CDH13: variants seen among roughly 807,000 people sequenced by gnomAD.
CDH13 encodes cadherin-13.
A neutral mutation model predicts 63.8 loss-of-function variants in CDH13; 24 were observed. The observed-to-expected ratio is 0.38, with a 90% CI of 0.27 to 0.53. The LOEUF is 0.53. Among genes scored for constraint, CDH13 ranks in the 20% least tolerant of loss-of-function variants. The probability of loss-of-function intolerance (pLI) is 0.85; values close to 1 mark genes in which losing one functional copy is unlikely to be tolerated. For synonymous variants in CDH13, 503 were observed against 355.3 expected (o/e 1.42, Z -4.67); for missense variants, 1,049 against 903.1 (o/e 1.16, Z -2.07).
At chr16:82,895,507 ACC>A (rs2041223577) in intron 2 of CDH13, among the ~76,000 whole-genome samples, 1 of 152,048 alleles carries the variant, frequency 6.6e-6, no homozygotes, top group African/African-American at 2.4e-5. Context: ...CAATTGATGA[ACC>A]CACATTGACA....
At chr16:83,684,881 G>A (rs35289672) in intron 10 of CDH13, among the ~76,000 whole-genome samples, 1 of 152,072 alleles carries the variant, frequency 6.6e-6, no homozygotes, top group African/African-American at 2.4e-5. Flanking sequence ...GACGGAAGTT[G>A]ATTTTTTTTT....
chr16:82,674,799 T>C (rs1005642141), intron 1 of CDH13, among the ~76,000 whole-genome samples: 1 of 152,216 alleles, frequency 6.6e-6, no homozygotes, highest in Non-Finnish European at 1.5e-5. Context: ...AATTATGGTA[T>C]GTGTTGGCGG....
At chr16:83,122,566 A>C (rs2035629310) in intron 3 of CDH13, among the ~76,000 whole-genome samples, 1 of 152,174 alleles carries the variant, frequency 6.6e-6, no homozygotes, top group Non-Finnish European at 1.5e-5. Flanking sequence ...AATACACTGA[A>C]TACAAGTCTC....
At chr16:83,351,206 G>A (rs956443703) in intron 6 of CDH13, among the ~76,000 whole-genome samples, 1 of 149,830 alleles carries the variant, frequency 6.7e-6, no homozygotes, top group African/African-American at 2.5e-5. Flanking sequence ...AGACTTTCAT[G>A]CTGTAGGTTC....
In CDH13 at chr16:82,702,414, C is replaced by A. The variant is rs11866117; in HGVS notation, c.45+75277C>A. On this transcript the variant is annotated intron_variant, in intron 1 of 13. Transcript: ENST00000567109. Reference sequence around the variant, plus strand: ...ACACTGACAGTGTGACAGCAGGGCCCCTGTCTTGTTCGTCTCAGTGCTCCC... The same window carrying A: ...ACACTGACAGTGTGACAGCAGGGCCACTGTCTTGTTCGTCTCAGTGCTCCC... 6.9e-3 allele frequency among the ~76,000 whole-genome samples: 1,046 copies of A among 152,250 alleles called. 10 individuals are homozygous for A. The highest frequency in any genetic ancestry group is 0.022 in the African/African-American group (922 of 41,536).
intron 4 of CDH13, among the ~76,000 whole-genome samples, chr16:83,194,982 G>A (rs2038835873): frequency 1.3e-5 from 2 of 152,044 alleles, no homozygotes; most frequent in African/African-American, 4.8e-5. Flanking sequence ...TTTCATATAG[G>A]TAAAAAAAGT....
intron 5 of CDH13, 70 bp from the exon 6 acceptor site, chr16:83,344,792 A>G: frequency 6.4e-7 from 1 of 1,558,484 alleles, no homozygotes; most frequent in South Asian, 1.1e-5. Context: ...TACTTTCTCT[A>G]GAGAACCTTA....
chr16:83,470,320 C>G (rs373050211), intron 6 of CDH13, among the ~76,000 whole-genome samples: 1 of 152,186 alleles, frequency 6.6e-6, no homozygotes, highest in Non-Finnish European at 1.5e-5. Context: ...GTCTCCCAAA[C>G]TGCTGGGATT....
At chr16:83,702,960 A>T (rs1212573383) in intron 10 of CDH13, among the ~76,000 whole-genome samples, 1 of 152,230 alleles carries the variant, frequency 6.6e-6, no homozygotes, top group Non-Finnish European at 1.5e-5. Context: ...AGGGCAGCCC[A>T]GGAGAGCAGA....
Position 82,881,521 on chromosome 16 carries a change from C to G in CDH13, c.157+23048C>G, listed in dbSNP as rs545100815. ...TTTGGATGTGGGCTGTGGGAAGGAG[C>G]CATGACCTTAGAGGAAAAGACTGTC... On this transcript the variant is annotated intron_variant, in intron 2 of 13. Transcript: ENST00000567109. Among the ~76,000 whole-genome samples, 46 of 152,238 alleles carry G rather than the reference C, an allele frequency of 3.0e-4. No homozygotes were observed. In the Middle Eastern group the frequency reaches 0.017, roughly 56 times the overall value.
At chr16:83,681,262 C>G (rs1915381626) in intron 10 of CDH13, among the ~76,000 whole-genome samples, 1 of 152,176 alleles carries the variant, frequency 6.6e-6, no homozygotes, top group Non-Finnish European at 1.5e-5. Context: ...GAGCCCCTGG[C>G]CCAAAGGTGA....
rs116039048 is a variant in CDH13, at chr16:82,969,840, C to T, written c.158-62170C>T. Among the ~76,000 whole-genome samples, 916 of 152,254 alleles carry T rather than the reference C, an allele frequency of 6.0e-3. 9 individuals carry two copies. The highest frequency in any genetic ancestry group is 0.021 in the African/African-American group (882 of 41,532). On this transcript the variant is annotated intron_variant, in intron 2 of 13. Coordinates refer to ENST00000567109, the MANE Select transcript of CDH13 (RefSeq NM_001257.5). ...AGCCAAAAACAAGATGGCTAGCAAA[C>T]TCTTCTCTCCAGGAAACGTCTTCCT...
intron 13 of CDH13, among the ~76,000 whole-genome samples, chr16:83,786,337 T>C (rs1019913175): frequency 1.3e-5 from 2 of 152,116 alleles, no homozygotes; most frequent in South Asian, 2.1e-4. Flanking sequence ...TCCTAAATGC[T>C]GCTGCACGTC....
At chr16:82,643,056 G>T (rs886290689) in intron 1 of CDH13, among the ~76,000 whole-genome samples, 2 of 152,174 alleles carry the variant, frequency 1.3e-5, no homozygotes, top group African/African-American at 4.8e-5. Flanking sequence ...GGGGGCAGGA[G>T]GAAATGGGGA....
At chr16:82,826,630 G>A (rs1310239297) in intron 1 of CDH13, 1 of 152,144 alleles carries the variant, frequency 6.6e-6, no homozygotes, top group East Asian at 1.9e-4. Context: ...CACTTACGGG[G>A]GGAAAAGGCG....
At chr16:82,790,630 G>A (rs1398093405) in intron 1 of CDH13, among the ~76,000 whole-genome samples, 1 of 152,118 alleles carries the variant, frequency 6.6e-6, no homozygotes, top group Admixed American at 6.5e-5. Context: ...CCGGAGACTA[G>A]GTAATTTATA....
intron 6 of CDH13, among the ~76,000 whole-genome samples, chr16:83,407,282 T>C (rs942519546): frequency 6.6e-6 from 1 of 152,242 alleles, no homozygotes; most frequent in Admixed American, 6.5e-5. Context: ...TCTTACCTCC[T>C]GCCCGTTTAT....
intron 13 of CDH13, among the ~76,000 whole-genome samples, chr16:83,784,160 A>T (rs1469818502): frequency 1.3e-5 from 2 of 152,164 alleles, no homozygotes; most frequent in African/African-American, 4.8e-5. Flanking sequence ...CTTGCAATTT[A>T]CCTTTTGAGA....
At chr16:83,634,141 G>A (rs1333190554) in intron 8 of CDH13, among the ~76,000 whole-genome samples, 3 of 151,482 alleles carry the variant, frequency 2.0e-5, no homozygotes, top group Admixed American at 6.6e-5. Context: ...GTGTATGTGT[G>A]TGTGTGTGTG....
Sources: allele counts gnomAD v4.1 joint callset (sites outside exome capture counted in the v4.1 genomes callset), GRCh38; gene constraint gnomAD v4.1.1; transcripts MANE v1.5; gene names NCBI Gene and HGNC (gene_info 2026-07-23, HGNC 2026-07-21).